The following IMMP2L variants were observed in gnomAD, a reference collection of about 807,000 sequenced individuals.
IMMP2L encodes the protein inner mitochondrial membrane peptidase subunit 2.
Under a neutral mutation model 19.3 loss-of-function variants are expected in IMMP2L, and 18 were observed. That is an observed-to-expected ratio of 0.93 (90% CI 0.64 to 1.38). The LOEUF (loss-of-function observed/expected upper bound fraction) is 1.38. Among genes scored for constraint, IMMP2L ranks in the 40% most tolerant of loss-of-function variants. The pLI is 0.00. For synonymous variants in IMMP2L, 76 were observed against 73.0 expected (o/e 1.04, Z -0.21); for missense variants, 233 against 218.2 (o/e 1.07, Z -0.43).
chr7:110,958,815 T>C (rs1329292145), intron 4 of IMMP2L, among the ~76,000 whole-genome samples: 3 of 151,960 alleles, frequency 2.0e-5, no homozygotes, highest in African/African-American at 7.3e-5. Context: ...ATGAGGCACA[T>C]CCAAGAAGTC....
intron 5 of IMMP2L, among the ~76,000 whole-genome samples, chr7:110,738,936 G>A (rs1053986525): frequency 8.5e-5 from 13 of 152,088 alleles, no homozygotes; most frequent in Admixed American, 1.3e-4. Context: ...AACAATTATC[G>A]CCAAGAATTT....
intron 5 of IMMP2L, among the ~76,000 whole-genome samples, chr7:110,859,764 A>T (rs906903074): frequency 6.6e-6 from 1 of 151,764 alleles, no homozygotes; most frequent in Non-Finnish European, 1.5e-5. Context: ...AAAAAAAAAA[A>T]TACGTTGTTT....
chr7:111,267,500 G>A (rs1482585349), intron 3 of IMMP2L, among the ~76,000 whole-genome samples: 1 of 152,042 alleles, frequency 6.6e-6, no homozygotes, highest in Non-Finnish European at 1.5e-5. Context: ...GTCTCCCCAG[G>A]TCACTTACTG....
chr7:111,286,485 G>A (rs1820498463), intron 3 of IMMP2L, among the ~76,000 whole-genome samples: 1 of 152,110 alleles, frequency 6.6e-6, no homozygotes, highest in African/African-American at 2.4e-5. Context: ...ACTCTACGAT[G>A]ATGTGGCTTG....
At chr7:110,853,992 A>AT (rs1230048870) in intron 5 of IMMP2L, among the ~76,000 whole-genome samples, 1 of 151,944 alleles carries the variant, frequency 6.6e-6, no homozygotes, top group Non-Finnish European at 1.5e-5. Context: ...AGACAGAATC[A>AT]TTTTTCTGTT....
chr7:110,918,797 C>T (rs1321769833), intron 4 of IMMP2L, among the ~76,000 whole-genome samples: 4 of 152,032 alleles, frequency 2.6e-5, no homozygotes, highest in Admixed American at 6.5e-5. Context: ...CCTTACATCG[C>T]TCTTCTTGTC....
intron 3 of IMMP2L, among the ~76,000 whole-genome samples, chr7:111,430,198 A>T (rs189374558): frequency 6.6e-6 from 1 of 151,880 alleles, no homozygotes; most frequent in East Asian, 1.9e-4. Context: ...GAGAATACAT[A>T]AGGTAAGGAA....
At chr7:111,038,262 A>T (rs1791543708) in intron 3 of IMMP2L, among the ~76,000 whole-genome samples, 1 of 152,110 alleles carries the variant, frequency 6.6e-6, no homozygotes, top group Admixed American at 6.6e-5. Context: ...ATTATTCACA[A>T]TTTGGGGGTG....
chr7:110,764,621 T>A (rs973713097), intron 5 of IMMP2L, among the ~76,000 whole-genome samples: 1 of 152,110 alleles, frequency 6.6e-6, no homozygotes, highest in Non-Finnish European at 1.5e-5. Flanking sequence ...AACAAACATT[T>A]TGAAATATTT....
intron 3 of IMMP2L, among the ~76,000 whole-genome samples, chr7:111,072,166 T>C (rs1015818344): frequency 6.6e-6 from 1 of 152,208 alleles, no homozygotes; most frequent in Non-Finnish European, 1.5e-5. Context: ...TACAACGGAA[T>C]GGAATTCCAA....
chr7:111,319,242 A>G (rs911537513), intron 3 of IMMP2L, among the ~76,000 whole-genome samples: 2 of 152,112 alleles, frequency 1.3e-5, no homozygotes, highest in Non-Finnish European at 2.9e-5. Flanking sequence ...CTGTTCAGCA[A>G]TATAAAGCTG....
At chr7:111,038,298 G>A (rs1791548311) in intron 3 of IMMP2L, among the ~76,000 whole-genome samples, 2 of 152,086 alleles carry the variant, frequency 1.3e-5, no homozygotes, top group East Asian at 1.9e-4. Flanking sequence ...AAAGCAATAC[G>A]TTGGTGGCTA....
chr7:111,418,557 T>A (rs1835166573), intron 3 of IMMP2L, among the ~76,000 whole-genome samples: 1 of 151,852 alleles, frequency 6.6e-6, no homozygotes, highest in Admixed American at 6.6e-5. Context: ...CTAATACAAA[T>A]GTCATTCCTA....
chr7:111,413,215 T>C (rs1563160689), intron 3 of IMMP2L, among the ~76,000 whole-genome samples: 1 of 152,136 alleles, frequency 6.6e-6, no homozygotes, highest in Non-Finnish European at 1.5e-5. Context: ...GTTTAACTCA[T>C]AATTAACAAT....
At chr7:111,322,357 C>A (rs1054802413) in intron 3 of IMMP2L, among the ~76,000 whole-genome samples, 1 of 151,830 alleles carries the variant, frequency 6.6e-6, no homozygotes, top group South Asian at 2.1e-4. Flanking sequence ...TTTTAGTTCA[C>A]ATCATATAGA....
At chr7:111,472,794 C>T (rs115794882) in intron 3 of IMMP2L, among the ~76,000 whole-genome samples, 3,069 of 152,080 alleles carry the variant, frequency 0.02, 106 homozygotes, top group African/African-American at 0.07. Flanking sequence ...TGTAGAAATA[C>T]TGCTCCAAAA....
At chr7:111,446,727 G>C (rs116890022) in intron 3 of IMMP2L, among the ~76,000 whole-genome samples, 26,345 of 143,218 alleles carry the variant, frequency 0.18, no homozygotes, top group East Asian at 0.31. Context: ...GATGAGCTAA[G>C]AGAGGAACGC....
At chr7:111,228,510 G>A (rs189986889) in intron 3 of IMMP2L, among the ~76,000 whole-genome samples, 1 of 152,172 alleles carries the variant, frequency 6.6e-6, no homozygotes, top group African/African-American at 2.4e-5. Context: ...GCTTCCTGAT[G>A]GTCCTTGAGA....
At chr7:110,685,715 A>C (rs979339673) in intron 5 of IMMP2L, among the ~76,000 whole-genome samples, 4 of 150,670 alleles carry the variant, frequency 2.7e-5, no homozygotes, top group African/African-American at 9.8e-5. Context: ...GTTATGTTTC[A>C]TTTTTTTTTC....
Sources: allele counts gnomAD v4.1 joint callset (sites outside exome capture counted in the v4.1 genomes callset), GRCh38; gene constraint gnomAD v4.1.1; transcripts MANE v1.5; gene names NCBI Gene and HGNC (gene_info 2026-07-23, HGNC 2026-07-21).